The following DNAJC3 variants were observed in gnomAD, a reference collection of about 807,000 sequenced individuals.
DNAJC3 encodes the protein DnaJ heat shock protein family (Hsp40) member C3.
DNAJC3 carries 38 observed loss-of-function variants against 68.6 expected under a neutral mutation model. The ratio of observed to expected loss-of-function variants is 0.55; its 90% CI spans 0.43 to 0.73. The LOEUF is 0.73. Among genes scored for constraint, DNAJC3 ranks in the 30% least tolerant of loss-of-function variants. DNAJC3 has a pLI of 0.00. For synonymous variants in DNAJC3, 203 were observed against 204.0 expected (o/e 1.00, Z 0.04); for missense variants, 526 against 591.9 (o/e 0.89, Z 1.16).
chr13:95,716,181 A>C (rs2139633724), intron 2 of DNAJC3, among the ~76,000 whole-genome samples: 1 of 152,292 alleles, frequency 6.6e-6, no homozygotes, highest in East Asian at 1.9e-4. Context: ...AAAAATCCCC[A>C]GAAAATAAAG....
chr13:95,683,358 C>T (rs1566464215), intron 1 of DNAJC3, among the ~76,000 whole-genome samples: 1 of 152,086 alleles, frequency 6.6e-6, no homozygotes, highest in African/African-American at 2.4e-5. Context: ...GGATCTGGGG[C>T]CTGGTGGGAA....
intron 5 of DNAJC3, among the ~76,000 whole-genome samples, chr13:95,759,003 T>A (rs865850505): frequency 4.6e-5 from 7 of 152,354 alleles, no homozygotes; most frequent in Middle Eastern, 6.8e-3. Context: ...TTGAACTTAG[T>A]TCATTGTCCA....
In DNAJC3 at chr13:95,713,854, A is replaced by T. The variant is rs140461242; in HGVS notation, c.193+4517A>T. ...CTCTTGCCATTTAGAGTTTTCAGGG[A>T]TGAGTCAGATACCCCAGTCAGTCTA... is the stretch of plus-strand genomic sequence containing the variant. On this transcript the variant is annotated intron_variant, in intron 2 of 11. Transcript: ENST00000602402. 3.2e-3 allele frequency among the ~76,000 whole-genome samples: 482 copies of T among 152,284 alleles called. 2 individuals carry two copies. The highest frequency in any genetic ancestry group is 0.011 in the African/African-American group (466 of 41,560).
chr13:95,711,710 A>G (rs763331579), intron 2 of DNAJC3, among the ~76,000 whole-genome samples: 4 of 152,226 alleles, frequency 2.6e-5, no homozygotes, highest in Non-Finnish European at 4.4e-5. Flanking sequence ...CTCTAAATAC[A>G]TAAAACAAAA....
chr13:95,677,701 C>T (rs1879798853), intron 1 of DNAJC3, among the ~76,000 whole-genome samples: 1 of 152,192 alleles, frequency 6.6e-6, no homozygotes, highest in Non-Finnish European at 1.5e-5. Flanking sequence ...CGCCTGGGGA[C>T]ACTGTCAGTC....
chr13:95,734,956 C>T (rs1468416434), intron 4 of DNAJC3, among the ~76,000 whole-genome samples: 16 of 143,014 alleles, frequency 1.1e-4, no homozygotes, highest in Non-Finnish European at 2.3e-4. Context: ...TCTCCCGATG[C>T]TATCCCTCCC....
At chr13:95,750,002 A>G (rs1252151832) in intron 4 of DNAJC3, among the ~76,000 whole-genome samples, 2 of 152,038 alleles carry the variant, frequency 1.3e-5, no homozygotes, top group Admixed American at 6.6e-5. Flanking sequence ...GTGAGCCTCT[A>G]ATTAGTGTTT....
chr13:95,755,035 A>C (rs1882609233), intron 4 of DNAJC3, among the ~76,000 whole-genome samples: 1 of 152,192 alleles, frequency 6.6e-6, no homozygotes, highest in African/African-American at 2.4e-5. Context: ...AAGGATGTCA[A>C]GAAACATGAA....
intron 4 of DNAJC3, among the ~76,000 whole-genome samples, chr13:95,743,639 C>T (rs1200247060): frequency 6.6e-6 from 1 of 152,094 alleles, no homozygotes; most frequent in Non-Finnish European, 1.5e-5. Context: ...CCCACTGCAA[C>T]CTCTGCCTCC....
intron 2 of DNAJC3, among the ~76,000 whole-genome samples, chr13:95,715,538 G>C (rs942473723): frequency 3.3e-5 from 5 of 150,940 alleles, no homozygotes; most frequent in Non-Finnish European, 7.4e-5. Flanking sequence ...CTGGAGTGTG[G>C]TGGCGTGATC....
intron 4 of DNAJC3, among the ~76,000 whole-genome samples, chr13:95,756,101 A>G (rs1336289104): frequency 6.6e-6 from 1 of 152,218 alleles, no homozygotes; most frequent in Non-Finnish European, 1.5e-5. Context: ...AAAAGGTGCA[A>G]ATACGATCCT....
At chr13:95,748,288 G>A (rs1882369316) in intron 4 of DNAJC3, among the ~76,000 whole-genome samples, 1 of 152,078 alleles carries the variant, frequency 6.6e-6, no homozygotes, top group Non-Finnish European at 1.5e-5. Flanking sequence ...CCATATATTA[G>A]GTAAATAATG....
chr13:95,754,357 A>T (rs1882585830), intron 4 of DNAJC3, among the ~76,000 whole-genome samples: 2 of 152,328 alleles, frequency 1.3e-5, no homozygotes, highest in South Asian at 4.1e-4. Flanking sequence ...GCAAGTGAGA[A>T]GGTGAGAGGG....
intron 2 of DNAJC3, among the ~76,000 whole-genome samples, chr13:95,711,813 A>T (rs1264264763): frequency 6.6e-6 from 1 of 151,862 alleles, no homozygotes; most frequent in African/African-American, 2.4e-5. Context: ...AGACAAAAAT[A>T]ACAGTAAAGA....
At chr13:95,681,511 C>T (rs1055719188) in intron 1 of DNAJC3, among the ~76,000 whole-genome samples, 1 of 151,998 alleles carries the variant, frequency 6.6e-6, no homozygotes, top group Admixed American at 6.6e-5. Flanking sequence ...CCACTGCATC[C>T]CCTACTAAGT....
At chr13:95,766,129 C>G (rs1373383325) in intron 9 of DNAJC3, among the ~76,000 whole-genome samples, 2 of 152,132 alleles carry the variant, frequency 1.3e-5, no homozygotes, top group African/African-American at 4.8e-5. Flanking sequence ...TAGAAATATG[C>G]TTTCCATATT....
chr13:95,745,867 C>A (rs1882289087), intron 4 of DNAJC3: 1 of 152,138 alleles, frequency 6.6e-6, no homozygotes, highest in Non-Finnish European at 1.5e-5. Flanking sequence ...GAGGTAGGAA[C>A]CTTGAGTTTT....
chr13:95,755,756 CAAAAAAA>C (rs56659621), intron 4 of DNAJC3, among the ~76,000 whole-genome samples: 39 of 15,088 alleles, frequency 2.6e-3, no homozygotes, highest in East Asian at 0.015. Context: ...GACGCCGTCT[CAAAAAAA>C]AAAAAAAAAA....
chr13:95,714,606 C>T (rs1482856563), intron 2 of DNAJC3, among the ~76,000 whole-genome samples: 1 of 152,158 alleles, frequency 6.6e-6, no homozygotes, highest in Non-Finnish European at 1.5e-5. Context: ...TTACTTTGCA[C>T]AATAATTTGC....
Sources: allele counts gnomAD v4.1 joint callset (sites outside exome capture counted in the v4.1 genomes callset), GRCh38; gene constraint gnomAD v4.1.1; transcripts MANE v1.5; gene names NCBI Gene and HGNC (gene_info 2026-07-23, HGNC 2026-07-21).